Variants in CAGE1 observed in about 807,000 individuals in gnomAD.
The protein encoded by CAGE1 is cancer-associated gene 1 protein.
Under a neutral mutation model 94.9 loss-of-function variants are expected in CAGE1, and 66 were observed. The ratio of observed to expected loss-of-function variants is 0.70; its 90% CI spans 0.57 to 0.85. The LOEUF (loss-of-function observed/expected upper bound fraction) is 0.85, where lower values mean the gene tolerates loss of function less well. CAGE1 is among the 40% of genes least tolerant of loss of function. The pLI, the probability that CAGE1 is intolerant of heterozygous loss-of-function variation, is 0.00. For synonymous variants in CAGE1, 319 were observed against 321.0 expected (o/e 0.99, Z 0.07); for missense variants, 865 against 950.4 (o/e 0.91, Z 1.18).
rs1760850523 is a variant in CAGE1 at position 7,379,039 on chromosome 6, A to G, written c.284-19T>C. 1 of 1,454,780 alleles carries G rather than the reference A, an allele frequency of 6.9e-7. No individual in the cohort carries two copies. Among genetic ancestry groups the G allele is most frequent in the South Asian group, 1.4e-5 (1 of 70,072 alleles). 90.1% of individuals were successfully genotyped at this position (1,454,780 alleles called of 1,614,324 possible). ...TTGTTATCTCATAAGAAAGAGAAAG[A>G]AGGAAATAAAAACGAGTAGACCATG... On this transcript the variant is annotated intron_variant, in intron 3 of 13. Transcript: ENST00000502583.
intron 11 of CAGE1, among the ~76,000 whole-genome samples, chr6:7,336,973 C>A (rs1049352346): frequency 6.6e-6 from 1 of 152,036 alleles, no homozygotes; most frequent in Non-Finnish European, 1.5e-5. Context: ...ACACGATTTA[C>A]AAATATGTTC....
At chr6:7,333,650 A>C (rs12528930) in intron 12 of CAGE1, among the ~76,000 whole-genome samples, 23,803 of 98,532 alleles carry the variant, frequency 0.24, 2,683 homozygotes, top group African/African-American at 0.41. Flanking sequence ...ATCTATATAT[A>C]TATATATATA....
chr6:7,353,155 CA>C (rs1440333990), intron 11 of CAGE1, among the ~76,000 whole-genome samples: 3 of 152,072 alleles, frequency 2.0e-5, no homozygotes, highest in African/African-American at 7.2e-5. Flanking sequence ...TGACAAAGGA[CA>C]AATATCCAGA....
intron 1 of CAGE1, among the ~76,000 whole-genome samples, chr6:7,387,993 A>G (rs1268915414): frequency 1.4e-5 from 2 of 138,622 alleles, no homozygotes; most frequent in Non-Finnish European, 3.0e-5. Context: ...GAGATGGCCC[A>G]CTGCACTCCA....
intron 5 of CAGE1, 122 bp from the exon 6 acceptor site, chr6:7,370,187 A>G: frequency 1.8e-6 from 1 of 546,526 alleles, no homozygotes; most frequent in Non-Finnish European, 3.1e-6. Flanking sequence ...AAACTTTTTC[A>G]TCTTAGGATC....
chr6:7,358,055 T>G (rs866033132), intron 9 of CAGE1, among the ~76,000 whole-genome samples: 13 of 123,838 alleles, frequency 1.0e-4, no homozygotes, highest in East Asian at 5.1e-4. Context: ...TATATATATA[T>G]ATATATATAT....
At chr6:7,345,141 G>A (rs1215823056) in intron 11 of CAGE1, among the ~76,000 whole-genome samples, 1 of 42,112 alleles carries the variant, frequency 2.4e-5, no homozygotes, top group Non-Finnish European at 4.3e-5. Flanking sequence ...ATTGCTTTTA[G>A]GAGCTAGGTC....
At chr6:7,331,568 G>T in intron 12 of CAGE1, 1 of 354,028 alleles carries the variant, frequency 2.8e-6, no homozygotes. Flanking sequence ...ACACCATTCT[G>T]GGCCCCATTA....
chr6:7,328,932 A>ATTTTT lies in CAGE1; in HGVS notation c.2478+916_2478+917insAAAAA, dbSNP rs556084338. Among the ~76,000 whole-genome samples, 92 of 103,586 alleles carry ATTTTT rather than the reference A, an allele frequency of 8.9e-4. 3 individuals are homozygous for ATTTTT. Among genetic ancestry groups the ATTTTT allele is most frequent in the African/African-American group, 2.9e-3 (84 of 28,872 alleles). 68.0% of individuals were successfully genotyped at this position (103,586 alleles called of 152,430 possible). A position where few individuals can be genotyped will look rare whatever the true frequency, so the allele number is the denominator to read the frequency against. On this transcript the variant is annotated intron_variant, in intron 13 of 13. Coordinates refer to ENST00000502583, the MANE Select transcript of CAGE1 (RefSeq NM_001170692.2). Reference sequence around the variant, plus strand: ...TGTGTGTGTGTGTATATATATATATATATTTTTTTTTTTTTTTGAGATAGA... The same window carrying ATTTTT: ...TGTGTGTGTGTGTATATATATATATATTTTTTATTTTTTTTTTTTTTTGAGATAGA...
chr6:7,353,088 C>T (rs1319442468), intron 11 of CAGE1, among the ~76,000 whole-genome samples: 1 of 152,150 alleles, frequency 6.6e-6, no homozygotes, highest in Non-Finnish European at 1.5e-5. Flanking sequence ...AAGGAATAGT[C>T]AGCAGAGTCA....
chr6:7,338,311 G>A (rs888509373), intron 11 of CAGE1, among the ~76,000 whole-genome samples: 14 of 152,242 alleles, frequency 9.2e-5, no homozygotes, highest in Admixed American at 8.5e-4. Flanking sequence ...GAATGTACTG[G>A]AATGTCTTGT....
At chr6:7,351,648 C>T (rs1435621617) in intron 11 of CAGE1, among the ~76,000 whole-genome samples, 1 of 150,054 alleles carries the variant, frequency 6.7e-6, no homozygotes, top group Non-Finnish European at 1.5e-5. Context: ...TACTAGCTAA[C>T]TGAGTCCAAC....
intron 11 of CAGE1, among the ~76,000 whole-genome samples, chr6:7,343,757 A>C (rs1310030535): frequency 6.6e-6 from 1 of 152,242 alleles, no homozygotes; most frequent in South Asian, 2.1e-4. Flanking sequence ...ATAGAAGGTC[A>C]CCTTGAATAA....
At chr6:7,366,026 ACC>A in intron 7 of CAGE1, 142 bp from the exon 8 acceptor site, 3 of 544,790 alleles carry the variant, frequency 5.5e-6, no homozygotes, top group Non-Finnish European at 9.6e-6. Context: ...CGGGTGGATC[ACC>A]TCAGGTCAGG....
chr6:7,370,206 A>T, intron 5 of CAGE1, 141 bp from the exon 6 acceptor site: 1 of 523,870 alleles, frequency 1.9e-6, no homozygotes, highest in Non-Finnish European at 3.3e-6. Flanking sequence ...TCCCTTTAGA[A>T]ATTAAAACTG....
At position 7,339,150 on chromosome 6, in the gene CAGE1, C is replaced by T; in HGVS notation, c.2370-5060G>A. Reference sequence around the variant, plus strand: ...TTTAGCTCTCTGTCCTCAGAGTTTCCCAGACACCACGACCTCACAGCCTTT... The same window carrying T: ...TTTAGCTCTCTGTCCTCAGAGTTTCTCAGACACCACGACCTCACAGCCTTT... On this transcript the variant is annotated intron_variant, in intron 11 of 13. Coordinates refer to ENST00000502583, the MANE Select transcript of CAGE1 (RefSeq NM_001170692.2). The surrounding 1 kb of genome is among the most constrained non-coding windows in gnomAD (Gnocchi z 4.7). 6.5e-7 allele frequency: 1 copy of T among 1,532,104 alleles called. No homozygotes were observed. The allele number at this position is 1,532,104 out of a possible 1,614,324, so 94.9% of individuals were successfully genotyped here.
At position 7,385,882 on chromosome 6, in the gene CAGE1, T is replaced by TA; in HGVS notation, c.196-11dup. The TA allele has an allele frequency of 1.4e-6, 2 of 1,434,572 alleles. No homozygotes were observed. Among genetic ancestry groups the TA allele is most frequent in the East Asian group, 2.5e-5 (1 of 39,478 alleles). The allele number at this position is 1,434,572 out of a possible 1,614,324, so 88.9% of individuals were successfully genotyped here. A position where few individuals can be genotyped will look rare whatever the true frequency, so the allele number is the denominator to read the frequency against. On this transcript the variant is annotated splice_polypyrimidine_tract_variant and intron_variant, in intron 2 of 13. Transcript: ENST00000502583. ...AATTCTTTATTTCGTTCTGTATTAATAAAAAAGGCATCAATACTTCAAGCA... is the reference window on the plus strand; with the variant it reads ...AATTCTTTATTTCGTTCTGTATTAATAAAAAAAGGCATCAATACTTCAAGCA...
Position 7,379,030 on chromosome 6 carries a change from AAGAG to A in CAGE1, c.284-14_284-11del. On this transcript the variant is annotated splice_polypyrimidine_tract_variant and intron_variant, in intron 3 of 13. Transcript: ENST00000502583. Reference sequence around the variant, plus strand: ...TTTTCAATGTTGTTATCTCATAAGAAAGAGAAAGAAGGAAATAAAAACGAGTAGA... The same window carrying A: ...TTTTCAATGTTGTTATCTCATAAGAAAAAGAAGGAAATAAAAACGAGTAGA... The A allele has an allele frequency of 1.4e-6, 2 of 1,473,300 alleles. No individual in the cohort carries two copies. The highest frequency in any genetic ancestry group is 2.8e-5 in the South Asian group (2 of 72,154). The allele number at this position is 1,473,300 out of a possible 1,614,324, so 91.3% of individuals were successfully genotyped here.
intron 12 of CAGE1, among the ~76,000 whole-genome samples, chr6:7,333,260 G>A (rs1013266482): frequency 1.3e-5 from 2 of 152,054 alleles, no homozygotes; most frequent in African/African-American, 4.8e-5. Flanking sequence ...CTATACTGCT[G>A]TGTTCTTAAT....
Sources: gnomAD v4.1 joint callset for allele counts (sites outside exome capture counted in the v4.1 genomes callset) on GRCh38, gnomAD v4.1.1 for gene constraint, Gnocchi (gnomAD v3.1) non-coding constraint, MANE v1.5 for transcripts, NCBI Gene and HGNC (gene_info 2026-07-23, HGNC 2026-07-21) for gene names.